CLNK: variants seen among roughly 807,000 people sequenced by gnomAD.
The protein encoded by CLNK is cytokine dependent hematopoietic cell linker, also known as cytokine-dependent hematopoietic cell linker.
In CLNK, 74 loss-of-function variants were observed where a neutral mutation model predicts 68.6. The observed-to-expected ratio is 1.08, with a 90% CI of 0.89 to 1.31. The LOEUF is 1.31. CLNK is among the 50% of genes most tolerant of loss of function. The pLI is 0.00. For synonymous variants in CLNK, 198 were observed against 172.2 expected (o/e 1.15, Z -1.17); for missense variants, 553 against 515.3 (o/e 1.07, Z -0.71).
At chr4:10,572,521 G>A (rs1332132696) in intron 4 of CLNK, among the ~76,000 whole-genome samples, 3 of 152,112 alleles carry the variant, frequency 2.0e-5, no homozygotes, top group African/African-American at 4.8e-5. Flanking sequence ...AAATTGTATT[G>A]TAGTTTCCTG....
At chr4:10,661,147 C>T (rs1029626835) in intron 2 of CLNK, among the ~76,000 whole-genome samples, 17 of 152,098 alleles carry the variant, frequency 1.1e-4, no homozygotes, top group Admixed American at 2.6e-4. Context: ...CCCTGGAGGT[C>T]GAAAGCAGGG....
intron 2 of CLNK, among the ~76,000 whole-genome samples, chr4:10,660,970 C>T (rs142942345): frequency 2.6e-5 from 4 of 152,248 alleles, no homozygotes; most frequent in Non-Finnish European, 4.4e-5. Context: ...CCAGTTGGCC[C>T]GAGAGTTGGT....
At chr4:10,587,338 C>A (rs557645852) in intron 3 of CLNK, among the ~76,000 whole-genome samples, 1 of 152,088 alleles carries the variant, frequency 6.6e-6, no homozygotes, top group African/African-American at 2.4e-5. Context: ...ACACTTTTTC[C>A]CTAGGTTTTG....
At chr4:10,538,287 A>C (rs1718879885) in intron 11 of CLNK, among the ~76,000 whole-genome samples, 1 of 151,742 alleles carries the variant, frequency 6.6e-6, no homozygotes, top group Non-Finnish European at 1.5e-5. Context: ...ACTCCACCCC[A>C]CCCAGCTAGT....
chr4:10,622,975 C>A (rs911712950), intron 2 of CLNK, among the ~76,000 whole-genome samples: 5 of 152,116 alleles, frequency 3.3e-5, no homozygotes, highest in Admixed American at 3.3e-4. Context: ...ACCATGACCT[C>A]ATCTGAGCCC....
intron 2 of CLNK, among the ~76,000 whole-genome samples, chr4:10,613,982 C>A (rs928918778): frequency 6.6e-6 from 1 of 152,146 alleles, no homozygotes; most frequent in Non-Finnish European, 1.5e-5. Flanking sequence ...CCCTGAATGC[C>A]CAGGCCACCC....
At chr4:10,659,455 G>C (rs1024772988) in intron 2 of CLNK, among the ~76,000 whole-genome samples, 1 of 152,148 alleles carries the variant, frequency 6.6e-6, no homozygotes, top group African/African-American at 2.4e-5. Flanking sequence ...CGGCTCTGTT[G>C]GCACATGGCC....
intron 14 of CLNK, among the ~76,000 whole-genome samples, chr4:10,521,152 G>C (rs1359177399): frequency 6.6e-6 from 1 of 152,130 alleles, no homozygotes; most frequent in Non-Finnish European, 1.5e-5. Flanking sequence ...AGTCACTATG[G>C]AAAAGAACAT....
At chr4:10,527,199 A>C (rs184987600) in intron 13 of CLNK, among the ~76,000 whole-genome samples, 5 of 152,204 alleles carry the variant, frequency 3.3e-5, no homozygotes, top group African/African-American at 1.2e-4. Flanking sequence ...CAGTACCTGA[A>C]CATTTTAGTT....
At chr4:10,645,018 T>C (rs957141554) in intron 2 of CLNK, among the ~76,000 whole-genome samples, 2 of 152,240 alleles carry the variant, frequency 1.3e-5, no homozygotes, top group Non-Finnish European at 2.9e-5. Context: ...CACTTGCACA[T>C]ACTGTTTGCT....
chr4:10,671,549 T>C (rs1184659326), intron 1 of CLNK, among the ~76,000 whole-genome samples: 1 of 152,164 alleles, frequency 6.6e-6, no homozygotes, highest in Non-Finnish European at 1.5e-5. Context: ...CATACTCTGA[T>C]CTAATCTTAG....
At chr4:10,722,975 G>C in the CLNK span, among the ~76,000 whole-genome samples, 1 of 151,876 alleles carries the variant, frequency 6.6e-6, no homozygotes, top group Non-Finnish European at 1.5e-5. Context: ...GCTTGAACCC[G>C]GGAGGTTGCA....
chr4:10,605,069 A>AGCCTG (rs1184262417), intron 2 of CLNK, among the ~76,000 whole-genome samples: 1 of 152,226 alleles, frequency 6.6e-6, no homozygotes, highest in East Asian at 1.9e-4. Flanking sequence ...CACCATAAAA[A>AGCCTG]GCCTGCCTGA....
chr4:10,545,485 G>A (rs774663338), intron 8 of CLNK, among the ~76,000 whole-genome samples: 1 of 152,120 alleles, frequency 6.6e-6, no homozygotes, highest in Admixed American at 6.5e-5. Context: ...CACCCCTATA[G>A]CTTGGTTGTG....
rs1229453607 is a variant in CLNK, at chr4:10,558,469, G to A, written c.400-17C>T. On this transcript the variant is annotated splice_polypyrimidine_tract_variant and intron_variant, in intron 7 of 18. Transcript: ENST00000226951. ...TTTGTCCACCTGTACAAGACAATGAGGCACCATTATCTCTTCAGTTGTGAC... is the reference window on the plus strand; with the variant it reads ...TTTGTCCACCTGTACAAGACAATGAAGCACCATTATCTCTTCAGTTGTGAC... 6.2e-7 allele frequency: 1 copy of A among 1,611,278 alleles called. No individual in the cohort carries two copies. The highest frequency in any genetic ancestry group is 1.7e-4 in the Middle Eastern group (1 of 6,056).
rs556953517 is a variant in CLNK at position 10,619,936 on chromosome 4, A to T, written c.12-21887T>A. 7.2e-5 allele frequency among the ~76,000 whole-genome samples: 11 copies of T among 151,940 alleles called. No homozygotes were observed. In the South Asian group the frequency reaches 2.3e-3, roughly 32 times the overall value. The stretch of plus-strand genomic sequence containing the variant: ...AAAGCCCGGGGCGTTTTCCCATAAT[A>T]CTCTGTGTTAATCGCTGGTGGGTTT... On this transcript the variant is annotated intron_variant, in intron 2 of 18. Coordinates refer to ENST00000226951, the MANE Select transcript of CLNK (RefSeq NM_052964.4).
At chr4:10,651,844 A>G (rs1723752266) in intron 2 of CLNK, among the ~76,000 whole-genome samples, 1 of 152,116 alleles carries the variant, frequency 6.6e-6, no homozygotes, top group African/African-American at 2.4e-5. Context: ...GATGTTGATA[A>G]TTTACTTGTG....
intron 2 of CLNK, among the ~76,000 whole-genome samples, chr4:10,661,225 C>T (rs1271471956): frequency 6.6e-6 from 1 of 152,184 alleles, no homozygotes; most frequent in African/African-American, 2.4e-5. Context: ...CATTCATACA[C>T]ACGAGAGAAA....
chr4:10,609,024 A>G (rs1721901606), intron 2 of CLNK, among the ~76,000 whole-genome samples: 1 of 152,186 alleles, frequency 6.6e-6, no homozygotes, highest in Admixed American at 6.5e-5. Flanking sequence ...CATCATTGGT[A>G]GTTGGAATTT....
Sources: allele counts gnomAD v4.1 joint callset (sites outside exome capture counted in the v4.1 genomes callset), GRCh38; gene constraint gnomAD v4.1.1; transcripts MANE v1.5; gene names NCBI Gene and HGNC (gene_info 2026-07-23, HGNC 2026-07-21).